Variants in NHSL2 observed in about 807,000 individuals in gnomAD.
NHSL2 encodes the protein NHS like 2.
A neutral mutation model predicts 53.4 loss-of-function variants in NHSL2; 27 were observed. That is an observed-to-expected ratio of 0.51 (90% CI 0.37 to 0.70). The LOEUF (loss-of-function observed/expected upper bound fraction) is 0.70, where lower values mean the gene tolerates loss of function less well. Ranked by LOEUF, NHSL2 falls within the 30% of genes least tolerant of loss-of-function variation. NHSL2 has a pLI of 0.00. For synonymous variants in NHSL2, 408 were observed against 404.1 expected (o/e 1.01, Z -0.12); for missense variants, 892 against 980.1 (o/e 0.91, Z 1.20).
chrX:71,960,426 G>A (rs779488801), intron 1 of NHSL2, among the ~76,000 whole-genome samples: 46 of 111,888 alleles, frequency 4.1e-4, no homozygotes, highest in African/African-American at 1.5e-3. Context: ...TACTTCTTTT[G>A]TTGCTTATGC....
chrX:72,065,287 C>T (rs1427901816), intron 1 of NHSL2, among the ~76,000 whole-genome samples: 3 of 112,030 alleles, frequency 2.7e-5, no homozygotes, highest in African/African-American at 9.7e-5. Flanking sequence ...GCAAGGCCCT[C>T]CACAAGGCAC....
intron 1 of NHSL2, among the ~76,000 whole-genome samples, chrX:72,017,004 T>C (rs2042138614): frequency 9.0e-6 from 1 of 111,647 alleles, no homozygotes; most frequent in Non-Finnish European, 1.9e-5. Context: ...CAAGTTATCA[T>C]GAATGGTGGA....
chrX:71,914,896 G>A (rs1476083494), intron 1 of NHSL2, among the ~76,000 whole-genome samples: 1 of 109,973 alleles, frequency 9.1e-6, no homozygotes. Flanking sequence ...TTGGGGACTT[G>A]GAACAGGCAC....
chrX:72,024,572 A>T (rs1289053887), intron 1 of NHSL2, among the ~76,000 whole-genome samples: 1 of 112,247 alleles, frequency 8.9e-6, no homozygotes, highest in Non-Finnish European at 1.9e-5. Context: ...GAGGACGGGC[A>T]CAGAGAGGCT....
Position 72,139,365 on chromosome X carries a change from A to T in NHSL2, c.1817A>T (p.Glu606Val). Residue 606 changes from glutamate to valine, a missense_variant, in exon 6 of 8, where the codon GAA (glutamate) becomes GTA (valine). Transcript: ENST00000633930. Reference protein sequence around the residue: ...QRPKSLCLSLEHQGHHSSHPD... With the variant: ...QRPKSLCLSLVHQGHHSSHPD... Reference sequence around the variant, plus strand: ...CCCAAGAGCCTTTGCCTCTCCTTGGAACATCAAGGACATCACTCGTCCCAC... The same window carrying T: ...CCCAAGAGCCTTTGCCTCTCCTTGGTACATCAAGGACATCACTCGTCCCAC... The T allele has an allele frequency of 8.3e-7, 1 of 1,208,772 alleles. No homozygotes were observed. The highest frequency in any genetic ancestry group is 1.1e-6 in the Non-Finnish European group (1 of 892,984).
In NHSL2 at chrX:72,138,930, T is replaced by C. The variant is rs1203196442; in HGVS notation, c.1382T>C (p.Leu461Pro). The C allele has an allele frequency of 8.3e-7, 1 of 1,207,043 alleles. No individual in the cohort carries two copies. The highest frequency in any genetic ancestry group is 1.1e-6 in the Non-Finnish European group (1 of 893,510). The change falls in exon 6 of 8, where the codon CTT (leucine) becomes CCT (proline). Residue 461 changes from leucine to proline, a missense_variant. By Grantham distance (98) the Leu-to-Pro change is moderately conservative. Transcript: ENST00000633930. ...GGGTCAGCTGGCTACCCTGAGCGCC[T>C]TATTCAGCAAAGGCACATGCCCGAA... ...CSGSAGYPER[L>P]IQQRHMPERP... is the part of the protein sequence containing the mutation.
At position 72,140,179 on chromosome X, in the gene NHSL2, G is replaced by A. The variant is rs767137757; in HGVS notation, c.2631G>A (p.Val877=). The A allele has an allele frequency of 1.7e-6, 2 of 1,208,883 alleles. No homozygotes were observed. The highest frequency in any genetic ancestry group is 3.0e-5 in the East Asian group (1 of 33,805). ...TKPPVAEKPP[V]ARRPPSLVHK... Reference sequence around the variant, plus strand: ...CTCCCGTAGCTGAGAAGCCTCCGGTGGCCCGGAGGCCTCCAAGCTTGGTCC... The same window carrying A: ...CTCCCGTAGCTGAGAAGCCTCCGGTAGCCCGGAGGCCTCCAAGCTTGGTCC... Residue 877 remains valine (V), a synonymous_variant, in exon 6 of 8, where the codon GTG becomes GTA. Coordinates refer to ENST00000633930, the MANE Select transcript of NHSL2 (RefSeq NM_001013627.3).
chrX:71,927,668 T>C (rs999445416), intron 1 of NHSL2, among the ~76,000 whole-genome samples: 1 of 111,398 alleles, frequency 9.0e-6, no homozygotes, highest in Non-Finnish European at 1.9e-5. Context: ...GCGATTCTCC[T>C]GCCTCAGCCT....
chrX:72,098,988 T>C (rs1004095193), intron 1 of NHSL2, among the ~76,000 whole-genome samples: 3 of 112,504 alleles, frequency 2.7e-5, no homozygotes, highest in African/African-American at 9.7e-5. Context: ...CCCATTTTTT[T>C]CAACTTACCA....
intron 1 of NHSL2, chrX:72,130,892 A>G (rs1382239570): frequency 8.3e-7 from 1 of 1,211,658 alleles, no homozygotes. Context: ...AAGCGCGGGA[A>G]GTTGGCATGC....
intron 4 of NHSL2, among the ~76,000 whole-genome samples, chrX:72,135,402 C>T (rs2042347969): frequency 9.0e-6 from 1 of 111,570 alleles, no homozygotes; most frequent in African/African-American, 3.3e-5. Flanking sequence ...GATCTACACT[C>T]CATCAGCTGT....
At chrX:71,982,388 A>G (rs2041983321) in intron 1 of NHSL2, among the ~76,000 whole-genome samples, 1 of 111,937 alleles carries the variant, frequency 8.9e-6, no homozygotes, top group South Asian at 3.7e-4. Flanking sequence ...TGAAATATAT[A>G]TTTGGTCTTT....
chrX:71,936,134 G>A, intron 1 of NHSL2, among the ~76,000 whole-genome samples: 1 of 111,891 alleles, frequency 8.9e-6, no homozygotes, highest in Non-Finnish European at 1.9e-5. Flanking sequence ...ATTTGCCCGA[G>A]GCCACACAGC....
intron 1 of NHSL2, among the ~76,000 whole-genome samples, chrX:71,933,675 G>C (rs962979149): frequency 6.3e-5 from 7 of 111,344 alleles, no homozygotes; most frequent in African/African-American, 2.3e-4. Flanking sequence ...GGATTATAGG[G>C]AGAGCATGTA....
At chrX:72,023,863 G>A (rs2042172160) in intron 1 of NHSL2, among the ~76,000 whole-genome samples, 1 of 112,188 alleles carries the variant, frequency 8.9e-6, no homozygotes, top group African/African-American at 3.3e-5. Context: ...TAGAGTGGGA[G>A]AGGGCCTGAG....
chrX:71,937,665 T>C (rs1283764364), intron 1 of NHSL2, among the ~76,000 whole-genome samples: 1 of 112,207 alleles, frequency 8.9e-6, no homozygotes, highest in Admixed American at 9.4e-5. Flanking sequence ...GTCTTCTCAG[T>C]ATGGTGGTTG....
At chrX:72,132,452 G>T (rs970763651) in intron 2 of NHSL2, among the ~76,000 whole-genome samples, 7 of 110,367 alleles carry the variant, frequency 6.3e-5, no homozygotes, top group Non-Finnish European at 1.1e-4. Context: ...CCTTTTTTCA[G>T]CTCAGTAGCC....
At chrX:71,972,854 C>T (rs1275950979) in intron 1 of NHSL2, among the ~76,000 whole-genome samples, 1 of 84,737 alleles carries the variant, frequency 1.2e-5, no homozygotes, top group Non-Finnish European at 2.2e-5. Flanking sequence ...TCTCTATTGC[C>T]TATCTTTATT....
chrX:71,966,964 A>G (rs757495883), intron 1 of NHSL2, among the ~76,000 whole-genome samples: 25 of 112,380 alleles, frequency 2.2e-4, no homozygotes, highest in Non-Finnish European at 4.7e-4. Context: ...GATTTAATTT[A>G]TTTAATAGAT....
Sources: gnomAD v4.1 joint callset for allele counts (sites outside exome capture counted in the v4.1 genomes callset) on GRCh38, gnomAD v4.1.1 for gene constraint, MANE v1.5 for transcripts, NCBI Gene and HGNC (gene_info 2026-07-23, HGNC 2026-07-21) for gene names.